ADCY7: variants seen among roughly 807,000 people sequenced by gnomAD.
The protein encoded by ADCY7 is adenylate cyclase 7, also known as adenylate cyclase type 7.
In ADCY7, 72 loss-of-function variants were observed where a neutral mutation model predicts 120.6. The ratio of observed to expected loss-of-function variants is 0.60; its 90% CI spans 0.49 to 0.73. ADCY7 has a LOEUF of 0.73. Ranked by LOEUF, ADCY7 falls within the 30% of genes least tolerant of loss-of-function variation. The probability of loss-of-function intolerance (pLI) is 0.00; values close to 1 mark genes in which losing one functional copy is unlikely to be tolerated. For synonymous variants in ADCY7, 661 were observed against 628.0 expected (o/e 1.05, Z -0.78); for missense variants, 1,227 against 1,486.0 (o/e 0.83, Z 2.87).
intron 1 of ADCY7, among the ~76,000 whole-genome samples, chr16:50,275,572 G>C (rs1304513126): frequency 6.6e-6 from 1 of 152,226 alleles, no homozygotes; most frequent in Non-Finnish European, 1.5e-5. Context: ...TGCAGGACTT[G>C]TCAGAGCCTT....
chr16:50,260,820 G>A lies in ADCY7; in HGVS notation c.-64+14617G>A, dbSNP rs117943292. ...TGAGTGTCCTCGAGCCATGGTGTCTGGCTTCCCCTAGAGGGAGAGATCCAA... is the reference window on the plus strand; with the variant it reads ...TGAGTGTCCTCGAGCCATGGTGTCTAGCTTCCCCTAGAGGGAGAGATCCAA... On this transcript the variant is annotated intron_variant, in intron 1 of 4. Transcript: ENST00000564044. Among the ~76,000 whole-genome samples, 417 of 152,302 alleles carry A rather than the reference G, an allele frequency of 2.7e-3. 7 individuals carry two copies. In the South Asian group the frequency reaches 0.054, roughly 20 times the overall value.
chr16:50,251,406 C>T (rs1210964623), intron 1 of ADCY7, among the ~76,000 whole-genome samples: 1 of 152,212 alleles, frequency 6.6e-6, no homozygotes, highest in African/African-American at 2.4e-5. Context: ...ACGTGTGTCC[C>T]ATCTCCTGTT....
chr16:50,295,345 ATTTTTTTTTTTTTTT>A lies in ADCY7; in HGVS notation c.948+610_948+624del, dbSNP rs67137852. 1.7e-4 allele frequency among the ~76,000 whole-genome samples: 14 copies of A among 82,746 alleles called. No individual in the cohort carries two copies. In the East Asian group the frequency reaches 1.7e-3, roughly 10 times the overall value. The allele number at this position is 82,746 out of a possible 152,430, so 54.3% of individuals were successfully genotyped here. A position where few individuals can be genotyped will look rare whatever the true frequency, so the allele number is the denominator to read the frequency against. ...AGGCATGCACCACCACGCCTGGCTA[ATTTTTTTTTTTTTTT>A]TTTTTTTTTTTTTTTGTAGCAATGG... On this transcript the variant is annotated intron_variant, in intron 7 of 25. Coordinates refer to ENST00000673801, the MANE Select transcript of ADCY7 (RefSeq NM_001114.5).
At chr16:50,301,036 GCCCTCTCTGGGCC>G (rs2035684744) in intron 9 of ADCY7, 33 bp from the exon 10 acceptor site, 1 of 1,601,630 alleles carries the variant, frequency 6.2e-7, no homozygotes, top group African/African-American at 1.3e-5. Flanking sequence ...GTGGATGCCA[GCCCTCTCTGGGCC>G]CCAAGGCTCT....
rs2035076413 is a variant in ADCY7, at chr16:50,292,800, A to G, written c.662A>G (p.Lys221Arg). 1.2e-6 allele frequency: 2 copies of G among 1,613,758 alleles called. No individual in the cohort carries two copies. Among genetic ancestry groups the G allele is most frequent in the African/African-American group, 1.3e-5 (1 of 75,024 alleles). Residue 221 changes from lysine to arginine, a missense_variant, in exon 5 of 26, where the codon AAG becomes AGG. Lys to Arg is a conservative substitution (Grantham distance 26). Transcript: ENST00000673801. ...GTGAAGTGCATCCAGATCCGCCGGA[A>G]GCTGCGCATCGAGAAGCGCCAGCAG... ...YTVKCIQIRR[K>R]LRIEKRQQEN...
At chr16:50,271,925 C>G (rs1032348286) in intron 1 of ADCY7, among the ~76,000 whole-genome samples, 1 of 152,182 alleles carries the variant, frequency 6.6e-6, no homozygotes, top group African/African-American at 2.4e-5. Context: ...CAAGGGACGC[C>G]GGGATACCCT....
At chr16:50,285,840 A>G (rs1239003781) in intron 1 of ADCY7, among the ~76,000 whole-genome samples, 1 of 152,206 alleles carries the variant, frequency 6.6e-6, no homozygotes, top group African/African-American at 2.4e-5. Flanking sequence ...CTGGGGAGAG[A>G]GAGCCCAGAC....
intron 1 of ADCY7, among the ~76,000 whole-genome samples, chr16:50,253,596 G>A (rs912937186): frequency 2.0e-5 from 3 of 152,212 alleles, no homozygotes; most frequent in African/African-American, 7.2e-5. Context: ...CCTCAGGCTG[G>A]ACCCAGGTTT....
Position 50,291,846 on chromosome 16 carries a change from C to T in ADCY7, c.486C>T (p.Leu162=), listed in dbSNP as rs190689152. 90 of 1,613,922 alleles carry T rather than the reference C, an allele frequency of 5.6e-5. No homozygotes were observed. In the Admixed American group the frequency reaches 8.2e-4, roughly 15 times the overall value. The change falls in exon 4 of 26, where the codon CTC becomes CTT. Residue 162 remains leucine, a synonymous_variant. Transcript: ENST00000673801. ...CCACTGCCTCCCACCTCCTGGTGCT[C>T]GGTTCTTTGATGGGAGGCTTCACGA... ...AVSTASHLLV[L]GSLMGGFTTP...
chr16:50,274,493 C>T (rs928290696), intron 1 of ADCY7, among the ~76,000 whole-genome samples: 2 of 152,002 alleles, frequency 1.3e-5, no homozygotes, highest in East Asian at 1.9e-4. Flanking sequence ...AGGGCTCTTC[C>T]GGGCTCTTGG....
chr16:50,249,784 G>T (rs531875108), intron 1 of ADCY7, among the ~76,000 whole-genome samples: 1 of 152,350 alleles, frequency 6.6e-6, no homozygotes, highest in South Asian at 2.1e-4. Flanking sequence ...ATCTGGCCAG[G>T]GCCATTGCCA....
At chr16:50,282,516 G>A (rs1016719590) in intron 1 of ADCY7, among the ~76,000 whole-genome samples, 2 of 152,138 alleles carry the variant, frequency 1.3e-5, no homozygotes, top group African/African-American at 4.8e-5. Flanking sequence ...CCTGGAGTTC[G>A]CTGGCCTGAA....
At chr16:50,270,545 G>A (rs1005452720) in intron 1 of ADCY7, among the ~76,000 whole-genome samples, 3 of 152,198 alleles carry the variant, frequency 2.0e-5, no homozygotes, top group Non-Finnish European at 4.4e-5. Flanking sequence ...CTCTGCTCCT[G>A]GCACAGCGGA....
chr16:50,270,322 T>G (rs2033480664), intron 1 of ADCY7, among the ~76,000 whole-genome samples: 1 of 151,926 alleles, frequency 6.6e-6, no homozygotes, highest in African/African-American at 2.4e-5. Context: ...GAAGCAGGGG[T>G]CTTCCAGAGG....
In ADCY7 at chr16:50,298,953, T is replaced by C; in HGVS notation, c.998T>C (p.Val333Ala). 1 of 1,613,916 alleles carries C rather than the reference T, an allele frequency of 6.2e-7. No homozygotes were observed. The highest frequency in any genetic ancestry group is 8.5e-7 in the Non-Finnish European group (1 of 1,180,010). The change falls in exon 8 of 26, where the codon GTA (valine) becomes GCA (alanine). Residue 333 changes from valine (V) to alanine (A), a missense_variant. This residue lies in a region of ADCY7 where 332 missense variants were observed against 455.8 expected (regional missense o/e 0.73). Coordinates refer to ENST00000673801, the MANE Select transcript of ADCY7 (RefSeq NM_001114.5). The stretch of plus-strand genomic sequence containing the variant: ...ATCCTCGGCGACTGCTACTACTGTG[T>C]ATCGGGCCTGCCCGTGTCGCTGCCT... ...IKILGDCYYC[V>A]SGLPVSLPTH...
Position 50,310,192 on chromosome 16 carries a change from G to C in ADCY7, c.2161-495G>C, listed in dbSNP as rs2036359181. Among the ~76,000 whole-genome samples, 3 of 152,200 alleles carry C rather than the reference G, an allele frequency of 2.0e-5. 1 individual carries two copies. In the South Asian group the frequency reaches 6.2e-4, roughly 31 times the overall value. ...CCGAGGCGTGTGTTGGGAGCAGTGG[G>C]GTTTTGGGTGGGTTGTCTCCTGGAG... is the stretch of plus-strand genomic sequence containing the variant. On this transcript the variant is annotated intron_variant, in intron 18 of 25. Coordinates refer to ENST00000673801, the MANE Select transcript of ADCY7 (RefSeq NM_001114.5).
At chr16:50,301,691 C>A in intron 10 of ADCY7, 1 of 165,830 alleles carries the variant, frequency 6.0e-6, no homozygotes, top group Non-Finnish European at 1.3e-5. Flanking sequence ...TCCAGGACCC[C>A]ACGGTGGAGG....
chr16:50,295,175 C>T (rs985378902), intron 7 of ADCY7, among the ~76,000 whole-genome samples: 3 of 152,046 alleles, frequency 2.0e-5, no homozygotes, highest in South Asian at 2.1e-4. Flanking sequence ...TAAACTTTTA[C>T]GTTTTGTTTG....
rs555398123 is a variant in ADCY7, at chr16:50,297,911, G to C, written c.949-993G>C. ...GGAGGGGAGAGCAGAGGCAGATGGC[G>C]CTCCTTCTTCAGCTCCCCTAAAGCC... On this transcript the variant is annotated intron_variant, in intron 7 of 25. Transcript: ENST00000673801. The surrounding 1 kb of genome is among the most constrained non-coding windows in gnomAD (Gnocchi z 4.4). Among the ~76,000 whole-genome samples the C allele has an allele frequency of 6.6e-6, 1 of 152,104 alleles. No individual in the cohort carries two copies. Among genetic ancestry groups the C allele is most frequent in the Admixed American group, 6.5e-5 (1 of 15,274 alleles).
Sources: allele counts gnomAD v4.1 joint callset (sites outside exome capture counted in the v4.1 genomes callset), GRCh38; gene constraint gnomAD v4.1.1; regional missense constraint gnomAD v4.1.1; non-coding constraint Gnocchi (gnomAD v3.1); transcripts MANE v1.5; gene names NCBI Gene and HGNC (gene_info 2026-07-23, HGNC 2026-07-21).